CACNA2D1: variants seen among roughly 807,000 people sequenced by gnomAD.
CACNA2D1 encodes calcium voltage-gated channel auxiliary subunit alpha2delta 1, also known as voltage-dependent calcium channel subunit alpha-2/delta-1.
In CACNA2D1, 53 loss-of-function variants were observed where a neutral mutation model predicts 171.5. The observed-to-expected ratio is 0.31, with a 90% CI of 0.25 to 0.39. CACNA2D1 has a LOEUF of 0.39. CACNA2D1 is among the 10% of genes least tolerant of loss of function. CACNA2D1 has a pLI of 1.00. For synonymous variants in CACNA2D1, 442 were observed against 443.1 expected (o/e 1.00, Z 0.03); for missense variants, 903 against 1,299.8 (o/e 0.69, Z 4.69).
At chr7:82,088,602 A>C (rs1195558945) in intron 6 of CACNA2D1, among the ~76,000 whole-genome samples, 1 of 152,248 alleles carries the variant, frequency 6.6e-6, no homozygotes, top group South Asian at 2.1e-4. Context: ...GTAAATTAGT[A>C]GCCAAATAAT....
chr7:82,150,270 C>CAAAA (rs1195730824), intron 4 of CACNA2D1, among the ~76,000 whole-genome samples: 1 of 74,330 alleles, frequency 1.3e-5, no homozygotes, highest in African/African-American at 7.5e-5. Context: ...AAAAAAAAAA[C>CAAAA]AAAAACAACA....
intron 4 of CACNA2D1, among the ~76,000 whole-genome samples, chr7:82,145,229 T>C: frequency 7.0e-6 from 1 of 143,214 alleles, no homozygotes; most frequent in East Asian, 2.0e-4. Context: ...TATATATATA[T>C]AAAATATAAA....
chr7:82,297,104 A>G (rs1812394671), intron 3 of CACNA2D1, among the ~76,000 whole-genome samples: 1 of 145,854 alleles, frequency 6.9e-6, no homozygotes, highest in Non-Finnish European at 1.5e-5. Flanking sequence ...AAAATTAGCC[A>G]GGTATGGTGG....
intron 3 of CACNA2D1, among the ~76,000 whole-genome samples, chr7:82,264,280 T>C (rs1476465983): frequency 1.3e-5 from 2 of 152,208 alleles, no homozygotes; most frequent in South Asian, 2.1e-4. Flanking sequence ...TTGGTAATTA[T>C]AGTCCTATTC....
chr7:82,405,058 T>A (rs776388375), intron 1 of CACNA2D1, among the ~76,000 whole-genome samples: 4 of 152,186 alleles, frequency 2.6e-5, no homozygotes, highest in Non-Finnish European at 4.4e-5. Context: ...TGATAACTTT[T>A]GTTGAGGTAA....
intron 14 of CACNA2D1, 26 bp from the exon 15 acceptor site, chr7:82,012,269 T>G: frequency 1.0e-6 from 1 of 989,888 alleles, no homozygotes; most frequent in Admixed American, 2.1e-5. Flanking sequence ...AAAAAAAAAG[T>G]CGTGGTTAAA....
rs765683117 is a variant in CACNA2D1, at chr7:82,349,669, T to A, written c.96-20A>T. 3 of 1,571,364 alleles carry A rather than the reference T, an allele frequency of 1.9e-6. No individual in the cohort carries two copies. The South Asian group carries it at 3.3e-5, about 17-fold the overall frequency. ...TTGATACTGCAGAAATCAGAAAAGA[T>A]TATGTTCTATCAGATCTCTGGCAAA... On this transcript the variant is annotated intron_variant, in intron 1 of 38. Transcript: ENST00000356860.
intron 3 of CACNA2D1, among the ~76,000 whole-genome samples, chr7:82,294,206 T>C (rs1811995373): frequency 1.3e-5 from 2 of 152,178 alleles, no homozygotes; most frequent in South Asian, 4.1e-4. Context: ...GCTAAATATC[T>C]AGTCAAGATA....
At chr7:82,293,137 T>C (rs766747009) in intron 3 of CACNA2D1, among the ~76,000 whole-genome samples, 26 of 152,102 alleles carry the variant, frequency 1.7e-4, no homozygotes, top group Non-Finnish European at 3.4e-4. Context: ...CAGTTATGAA[T>C]TTTTATAAAT....
rs563968781 is a variant in CACNA2D1, at chr7:82,396,637, G to A, written c.95+46728C>T. On this transcript the variant is annotated intron_variant, in intron 1 of 38. Transcript: ENST00000356860. The stretch of plus-strand genomic sequence containing the variant: ...TGCCCCTCACTTCTATTCACTGTCT[G>A]TACCCTTTTACATGAAGCTCATTAT... Among the ~76,000 whole-genome samples the A allele has an allele frequency of 1.2e-4, 18 of 152,160 alleles. No homozygotes were observed. The South Asian group carries it at 3.7e-3, about 32-fold the overall frequency.
intron 38 of CACNA2D1, among the ~76,000 whole-genome samples, chr7:81,953,706 A>G (rs989242605): frequency 3.3e-5 from 5 of 152,122 alleles, no homozygotes; most frequent in African/African-American, 1.2e-4. Flanking sequence ...TAACTTAAAG[A>G]AGTCATTGTC....
chr7:82,382,649 T>C (rs1823839908), intron 1 of CACNA2D1, among the ~76,000 whole-genome samples: 1 of 152,182 alleles, frequency 6.6e-6, no homozygotes, highest in African/African-American at 2.4e-5. Flanking sequence ...ACCTTTTATT[T>C]GTTATTAGTT....
chr7:82,050,617 C>T (rs1442854685), intron 10 of CACNA2D1: 1 of 702,804 alleles, frequency 1.4e-6, no homozygotes, highest in South Asian at 1.5e-5. Flanking sequence ...AAGGAGAAAT[C>T]TCTTTACTAT....
chr7:82,036,800 A>C (rs572096005), intron 11 of CACNA2D1, among the ~76,000 whole-genome samples: 1 of 152,246 alleles, frequency 6.6e-6, no homozygotes, highest in Non-Finnish European at 1.5e-5. Flanking sequence ...TATTTGCATA[A>C]AGATCAAATA....
chr7:82,415,027 C>A (rs1828025596), intron 1 of CACNA2D1, among the ~76,000 whole-genome samples: 1 of 152,146 alleles, frequency 6.6e-6, no homozygotes, highest in Admixed American at 6.5e-5. Context: ...TTTTATTAAA[C>A]AAGTCTTTAA....
chr7:82,417,901 AC>A (rs1828334843), intron 1 of CACNA2D1, among the ~76,000 whole-genome samples: 1 of 152,218 alleles, frequency 6.6e-6, no homozygotes, highest in Admixed American at 6.5e-5. Flanking sequence ...AAAATGACAT[AC>A]AAAAAAAGTA....
chr7:81,990,515 G>A (rs1490990877), intron 21 of CACNA2D1, among the ~76,000 whole-genome samples: 3 of 151,584 alleles, frequency 2.0e-5, no homozygotes, highest in Non-Finnish European at 2.9e-5. Context: ...GTGGTTTGGT[G>A]TCATGAGATT....
intron 2 of CACNA2D1, among the ~76,000 whole-genome samples, chr7:82,345,015 C>T (rs1819085282): frequency 6.6e-6 from 1 of 152,100 alleles, no homozygotes; most frequent in East Asian, 1.9e-4. Flanking sequence ...TTGTTGCCTG[C>T]GCGTCTTGCT....
At chr7:82,007,973 C>A (rs1320647093) in intron 15 of CACNA2D1, among the ~76,000 whole-genome samples, 2 of 152,054 alleles carry the variant, frequency 1.3e-5, no homozygotes, top group Non-Finnish European at 2.9e-5. Context: ...CCTACTGAAG[C>A]ATGCAACATT....
Sources: allele counts gnomAD v4.1 joint callset (sites outside exome capture counted in the v4.1 genomes callset), GRCh38; gene constraint gnomAD v4.1.1; transcripts MANE v1.5; gene names NCBI Gene and HGNC (gene_info 2026-07-23, HGNC 2026-07-21).